CXCR5: variants seen among roughly 807,000 people sequenced by gnomAD.
CXCR5 encodes C-X-C chemokine receptor type 5.
In CXCR5, 3 loss-of-function variants were observed where a neutral mutation model predicts 5.6. The ratio of observed to expected loss-of-function variants is 0.54; its 90% CI spans 0.24 to 1.39. The LOEUF is 1.39. CXCR5 is among the 40% of genes most tolerant of loss of function. The probability of loss-of-function intolerance (pLI) is 0.16; values close to 1 mark genes in which losing one functional copy is unlikely to be tolerated. For missense variants in CXCR5, 333 were observed against 494.6 expected (o/e 0.67, Z 3.10); for synonymous variants, 218 against 219.9 (o/e 0.99, Z 0.08).
chr11:118,884,428 T>C (rs1345834549), intron 1 of CXCR5, among the ~76,000 whole-genome samples: 1 of 152,146 alleles, frequency 6.6e-6, no homozygotes, highest in Middle Eastern at 3.2e-3. Flanking sequence ...TCTGGCCATA[T>C]GATTATGTCA....
Position 118,894,316 on chromosome 11 carries a change from G to C in CXCR5, c.772G>C (p.Val258Leu). The change falls in exon 2 of 2, where the codon GTC becomes CTC. Residue 258 changes from valine to leucine, a missense_variant. Transcript: ENST00000292174. This position sits in a 1 kb window ranked among gnomAD's most constrained non-coding sequence, Gnocchi z 6.1. Reference protein sequence around the residue: ...AQRRPQRQKAVRVAILVTSIF... With the variant: ...AQRRPQRQKALRVAILVTSIF... ...GCGGCGCCCTCAGCGGCAGAAGGCAGTCAGGGTGGCCATCCTGGTGACAAG... is the reference window on the plus strand; with the variant it reads ...GCGGCGCCCTCAGCGGCAGAAGGCACTCAGGGTGGCCATCCTGGTGACAAG... The C allele has an allele frequency of 6.2e-7, 1 of 1,614,176 alleles. No homozygotes were observed. The highest frequency in any genetic ancestry group is 8.5e-7 in the Non-Finnish European group (1 of 1,180,042).
chr11:118,890,636 GA>G (rs1314372723), intron 1 of CXCR5, among the ~76,000 whole-genome samples: 1 of 152,188 alleles, frequency 6.6e-6, no homozygotes, highest in Admixed American at 6.5e-5. Context: ...TTTATTAATA[GA>G]AGACAAAGTT....
intron 1 of CXCR5, among the ~76,000 whole-genome samples, chr11:118,891,325 G>C (rs1410197245): frequency 6.6e-6 from 1 of 151,978 alleles, no homozygotes; most frequent in Non-Finnish European, 1.5e-5. Context: ...ATGGCACTAA[G>C]TTTGGCTTAC....
rs1287920079 is a variant in CXCR5 at position 118,896,682 on chromosome 11, G to A, written c.*2019G>A. Reference sequence around the variant, plus strand: ...TGGGCCGAGAGGACAGCACCAGGCTGGGAGAAGTGGGGCGAGTTCCCTTTG... The same window carrying A: ...TGGGCCGAGAGGACAGCACCAGGCTAGGAGAAGTGGGGCGAGTTCCCTTTG... On this transcript the variant is annotated 3_prime_UTR_variant, in exon 2 of 2. Coordinates refer to ENST00000292174, the MANE Select transcript of CXCR5 (RefSeq NM_001716.5). 6.5e-6 allele frequency: 1 copy of A among 152,918 alleles called. No individual in the cohort carries two copies. The highest frequency in any genetic ancestry group is 2.4e-5 in the African/African-American group (1 of 41,480). The allele number at this position is 152,918 out of a possible 1,614,324, so 9.5% of individuals were successfully genotyped here. A position where few individuals can be genotyped will look rare whatever the true frequency, so the allele number is the denominator to read the frequency against.
chr11:118,884,153 T>C (rs1312174030), intron 1 of CXCR5, among the ~76,000 whole-genome samples, 161 bp downstream of exon 1: 1 of 152,170 alleles, frequency 6.6e-6, no homozygotes, highest in African/African-American at 2.4e-5. Context: ...AAGAGTTTAT[T>C]TTCCATTCTG....
rs1248958528 is a variant in CXCR5, at chr11:118,886,336, C to T, written c.51+2344C>T. On this transcript the variant is annotated intron_variant, in intron 1 of 1. Transcript: ENST00000292174. Reference sequence around the variant, plus strand: ...TAAGAACTGGGGCCTTTTGGTTACACAAACTTGCCAGAAAAAAAAAAAAAA... The same window carrying T: ...TAAGAACTGGGGCCTTTTGGTTACATAAACTTGCCAGAAAAAAAAAAAAAA... 3 of 403,522 alleles carry T rather than the reference C, an allele frequency of 7.4e-6. No homozygotes were observed. The East Asian group carries it at 2.3e-4, about 31-fold the overall frequency. 25.0% of individuals were successfully genotyped at this position (403,522 alleles called of 1,614,324 possible).
intron 1 of CXCR5, among the ~76,000 whole-genome samples, chr11:118,892,250 G>T (rs1277974101): frequency 6.6e-6 from 1 of 152,178 alleles, no homozygotes; most frequent in Admixed American, 6.5e-5. Context: ...AAAGACCCAG[G>T]TTGGAGAATG....
At chr11:118,886,556 G>C (rs925436322) in intron 1 of CXCR5, 44 of 361,556 alleles carry the variant, frequency 1.2e-4, no homozygotes, top group African/African-American at 9.4e-4. Context: ...TAAGAACCAG[G>C]AACAAGAAGA....
rs776993079 is a variant in CXCR5, at chr11:118,894,418, A to G, written c.874A>G (p.Asn292Asp). The part of the protein sequence containing the change: ...DTLARLKAVD[N>D]TCKLNGSLPV... Reference sequence around the variant, plus strand: ...CCTGGCGAGGCTGAAGGCCGTGGACAATACCTGCAAGCTGAATGGCTCTCT... The same window carrying G: ...CCTGGCGAGGCTGAAGGCCGTGGACGATACCTGCAAGCTGAATGGCTCTCT... Residue 292 changes from asparagine (N) to aspartate (D), a missense_variant, in exon 2 of 2, where the codon AAT (asparagine) becomes GAT (aspartate). Coordinates refer to ENST00000292174, the MANE Select transcript of CXCR5 (RefSeq NM_001716.5). This position sits in a 1 kb window ranked among gnomAD's most constrained non-coding sequence, Gnocchi z 6.1. 2.9e-5 allele frequency: 47 copies of G among 1,614,078 alleles called. No individual in the cohort carries two copies. In the South Asian group the frequency reaches 5.2e-4, roughly 18 times the overall value.
chr11:118,894,007 G>C lies in CXCR5; in HGVS notation c.463G>C (p.Val155Leu), dbSNP rs377218103. 1 of 1,613,548 alleles carries C rather than the reference G, an allele frequency of 6.2e-7. No homozygotes were observed. The highest frequency in any genetic ancestry group is 8.5e-7 in the Non-Finnish European group (1 of 1,180,026). Residue 155 changes from valine (V) to leucine (L), a missense_variant, in exon 2 of 2, where the codon GTC becomes CTC. Val to Leu is a conservative substitution (Grantham distance 32). Transcript: ENST00000292174. The surrounding 1 kb of genome is among the most constrained non-coding windows in gnomAD (Gnocchi z 6.1). ...CCGCTACCTGGCCATTGTCCACGCC[G>C]TCCATGCCTACCGCCACCGCCGCCT... is the stretch of plus-strand genomic sequence containing the variant. ...VDRYLAIVHAVHAYRHRRLLS... is the reference protein window; with the variant it reads ...VDRYLAIVHALHAYRHRRLLS...
Position 118,894,147 on chromosome 11 carries a change from T to C in CXCR5, c.603T>C (p.Arg201=), listed in dbSNP as rs765989231. The change falls in exon 2 of 2, where the codon CGT becomes CGC. Residue 201 remains arginine, a synonymous_variant. Coordinates refer to ENST00000292174, the MANE Select transcript of CXCR5 (RefSeq NM_001716.5). The surrounding 1 kb of genome is among the most constrained non-coding windows in gnomAD (Gnocchi z 6.1). ...SQGHHNNSLP[R]CTFSQENQAE... ...GCCATCACAACAACTCCCTGCCACGTTGCACCTTCTCCCAAGAGAACCAAG... is the reference window on the plus strand; with the variant it reads ...GCCATCACAACAACTCCCTGCCACGCTGCACCTTCTCCCAAGAGAACCAAG... 5.0e-6 allele frequency: 8 copies of C among 1,613,870 alleles called. No homozygotes were observed. The highest frequency in any genetic ancestry group is 5.1e-6 in the Non-Finnish European group (6 of 1,180,034).
In CXCR5 at chr11:118,894,362, C is replaced by A; in HGVS notation, c.818C>A (p.Ser273Ter). ...LVTSIFFLCW[S>*]PYHIVIFLDT... ...ACAAGCATCTTCTTCCTCTGCTGGT[C>A]ACCCTACCACATCGTCATCTTCCTG... Residue 273 changes from serine (S) to a stop codon, truncating the protein, a stop_gained, in exon 2 of 2, where the codon TCA (serine) becomes TAA (stop). Transcript: ENST00000292174. LOFTEE classifies it low-confidence loss of function (END_TRUNC). The surrounding 1 kb of genome is among the most constrained non-coding windows in gnomAD (Gnocchi z 6.1). 1 of 1,614,182 alleles carries A rather than the reference C, an allele frequency of 6.2e-7. No homozygotes were observed. Among genetic ancestry groups the A allele is most frequent in the Non-Finnish European group, 8.5e-7 (1 of 1,180,036 alleles).
rs374707658 is a variant in CXCR5, at chr11:118,894,557, C to A, written c.1013C>A (p.Thr338Lys). ...KFRSDLSRLLTKLGCTGPASL... is the reference protein window; with the variant it reads ...KFRSDLSRLLKKLGCTGPASL... Reference sequence around the variant, plus strand: ...CGCAGTGACCTGTCGCGGCTCCTGACGAAGCTGGGCTGTACCGGCCCTGCC... The same window carrying A: ...CGCAGTGACCTGTCGCGGCTCCTGAAGAAGCTGGGCTGTACCGGCCCTGCC... Residue 338 changes from threonine to lysine, a missense_variant, in exon 2 of 2, where the codon ACG becomes AAG. Thr to Lys is a moderately conservative substitution (Grantham distance 78). Coordinates refer to ENST00000292174, the MANE Select transcript of CXCR5 (RefSeq NM_001716.5). The surrounding 1 kb of genome is among the most constrained non-coding windows in gnomAD (Gnocchi z 6.1). 7 of 1,563,566 alleles carry A rather than the reference C, an allele frequency of 4.5e-6. No homozygotes were observed. In the African/African-American group the frequency reaches 9.4e-5, roughly 21 times the overall value.
intron 1 of CXCR5, among the ~76,000 whole-genome samples, chr11:118,889,576 G>A (rs533622603): frequency 6.6e-6 from 1 of 152,248 alleles, no homozygotes; most frequent in East Asian, 1.9e-4. Context: ...ATAGTTTGGG[G>A]GAGATTGGGG....
At position 118,893,448 on chromosome 11, in the gene CXCR5, A is replaced by C; in HGVS notation, c.52-148A>C. Reference sequence around the variant, plus strand: ...CGAAAAACTGAAGTTGGAAAAGACAAAGTGATTTGTTCAAAATTGAAATTT... The same window carrying C: ...CGAAAAACTGAAGTTGGAAAAGACACAGTGATTTGTTCAAAATTGAAATTT... On this transcript the variant is annotated intron_variant, in intron 1 of 1. Coordinates refer to ENST00000292174, the MANE Select transcript of CXCR5 (RefSeq NM_001716.5). The surrounding 1 kb of genome is among the most constrained non-coding windows in gnomAD (Gnocchi z 5.7). 3 of 1,414,598 alleles carry C rather than the reference A, an allele frequency of 2.1e-6. No individual in the cohort carries two copies. In the East Asian group the frequency reaches 7.5e-5, roughly 35 times the overall value. 87.6% of individuals were successfully genotyped at this position (1,414,598 alleles called of 1,614,324 possible). A position where few individuals can be genotyped will look rare whatever the true frequency, so the allele number is the denominator to read the frequency against.
intron 1 of CXCR5, among the ~76,000 whole-genome samples, chr11:118,892,019 C>G (rs925032847): frequency 2.0e-5 from 3 of 152,076 alleles, no homozygotes; most frequent in African/African-American, 7.2e-5. Flanking sequence ...AGAAAACTTA[C>G]CCTGTCCTCT....
At position 118,896,368 on chromosome 11, in the gene CXCR5, T is replaced by C. The variant is rs581063; in HGVS notation, c.*1705T>C. ...GGGAAGAGTAGGCTGGCCTGTGGCG[T>C]GGGTGGGAGGAGAGGGGACGGAGAG... On this transcript the variant is annotated 3_prime_UTR_variant, in exon 2 of 2. Coordinates refer to ENST00000292174, the MANE Select transcript of CXCR5 (RefSeq NM_001716.5). 84,128 of 152,150 alleles carry C rather than the reference T, an allele frequency of 0.55. 25,437 individuals carry two copies. Among genetic ancestry groups the C allele is most frequent in the African/African-American group, 0.8 (33,232 of 41,428 alleles). 9.4% of individuals were successfully genotyped at this position (152,150 alleles called of 1,614,324 possible).
chr11:118,897,344 C>A lies in CXCR5; in HGVS notation c.*2681C>A, dbSNP rs1378837665. The A allele has an allele frequency of 5.6e-6, 1 of 177,090 alleles. No homozygotes were observed. Among genetic ancestry groups the A allele is most frequent in the African/African-American group, 2.4e-5 (1 of 41,580 alleles). The allele number at this position is 177,090 out of a possible 1,614,324, so 11.0% of individuals were successfully genotyped here. ...GGCCACACAGCCACCGCCTCTTCCT[C>A]CTTTCCTTCATCCCAAACTGGGACA... On this transcript the variant is annotated 3_prime_UTR_variant, in exon 2 of 2. Transcript: ENST00000292174.
chr11:118,893,752 G>A lies in CXCR5; in HGVS notation c.208G>A (p.Val70Ile), dbSNP rs112901555. The A allele has an allele frequency of 5.0e-6, 8 of 1,614,066 alleles. No individual in the cohort carries two copies. Among genetic ancestry groups the A allele is most frequent in the East Asian group, 4.5e-5 (2 of 44,882 alleles). Residue 70 changes from valine to isoleucine, a missense_variant, in exon 2 of 2, where the codon GTC (valine) becomes ATC (isoleucine). Transcript: ENST00000292174. The surrounding 1 kb of genome is among the most constrained non-coding windows in gnomAD (Gnocchi z 5.7). ...LIFLLGVIGN[V>I]LVLVILERHR... is the part of the protein sequence containing the mutation. ...CTTCCTCCTGGGCGTGATCGGCAAC[G>A]TCCTGGTGCTGGTGATCCTGGAGCG... is the stretch of plus-strand genomic sequence containing the variant.
Sources: gnomAD v4.1 joint callset for allele counts (sites outside exome capture counted in the v4.1 genomes callset) on GRCh38, gnomAD v4.1.1 for gene constraint, Gnocchi (gnomAD v3.1) non-coding constraint, MANE v1.5 for transcripts, NCBI Gene and HGNC (gene_info 2026-07-23, HGNC 2026-07-21) for gene names.